MCM9: variants seen among roughly 807,000 people sequenced by gnomAD.
MCM9 encodes DNA helicase MCM9.
MCM9 carries 55 observed loss-of-function variants against 72.8 expected under a neutral mutation model. That is an observed-to-expected ratio of 0.76 (90% CI 0.61 to 0.95). MCM9 has a LOEUF of 0.95. MCM9 is among the 40% of genes least tolerant of loss of function. MCM9 has a pLI of 0.00. For missense variants in MCM9, 1,279 were observed against 1,377.0 expected (o/e 0.93, Z 1.13); for synonymous variants, 480 against 503.4 (o/e 0.95, Z 0.62).
chr6:118,905,769 A>G, intron 8 of MCM9: 1 of 1,613,438 alleles, frequency 6.2e-7, no homozygotes, highest in Non-Finnish European at 8.5e-7. Context: ...TTATGTAAAT[A>G]ATGAATATAC....
chr6:118,910,327 C>G (rs1170098782), intron 8 of MCM9, among the ~76,000 whole-genome samples: 1 of 151,736 alleles, frequency 6.6e-6, no homozygotes, highest in Non-Finnish European at 1.5e-5. Flanking sequence ...CTAGCGTGGC[C>G]CTTTGGGTAG....
At chr6:118,914,683 G>T (rs1780800395) in intron 6 of MCM9, among the ~76,000 whole-genome samples, 1 of 152,118 alleles carries the variant, frequency 6.6e-6, no homozygotes, top group African/African-American at 2.4e-5. Flanking sequence ...GTGATTACAT[G>T]TGGAAGGAAA....
In MCM9 at chr6:118,894,254, C is replaced by T. The variant is rs1184273652; in HGVS notation, c.1150+17396G>A. ...AAGCTGCAAAACACTGTGGAGTGCT[C>T]CCGTGTAAATAAAAAGAGGAAAAAA... is the stretch of plus-strand genomic sequence containing the variant. On this transcript the variant is annotated intron_variant, in intron 8 of 13. Transcript: ENST00000619706. The T allele has an allele frequency of 1.3e-5, 19 of 1,454,314 alleles. 1 individual carries two copies. The South Asian group carries it at 2.7e-4, about 21-fold the overall frequency. 90.1% of individuals were successfully genotyped at this position (1,454,314 alleles called of 1,614,324 possible). A position where few individuals can be genotyped will look rare whatever the true frequency, so the allele number is the denominator to read the frequency against.
At chr6:118,864,147 G>T (rs1035318801) in intron 8 of MCM9, among the ~76,000 whole-genome samples, 4 of 151,854 alleles carry the variant, frequency 2.6e-5, no homozygotes, top group African/African-American at 9.7e-5. Context: ...CTGAGATTTT[G>T]GTGCCCCCAT....
chr6:118,852,761 A>G (rs2114669194), intron 9 of MCM9, among the ~76,000 whole-genome samples: 1 of 152,306 alleles, frequency 6.6e-6, no homozygotes, highest in South Asian at 2.1e-4. Context: ...ATTTACATAT[A>G]GTAAAAGTCA....
At position 118,911,771 on chromosome 6, in the gene MCM9, T is replaced by C. The variant is rs774890052; in HGVS notation, c.1031-2A>G. Reference sequence around the variant, plus strand: ...CAACCAATAAAAGATGAGATTCTCCTAGGAAAAAGCAAATACATGAAGTTT... The same window carrying C: ...CAACCAATAAAAGATGAGATTCTCCCAGGAAAAAGCAAATACATGAAGTTT... On this transcript the variant is annotated splice_acceptor_variant, in intron 7 of 13. Coordinates refer to ENST00000619706, the MANE Select transcript of MCM9 (RefSeq NM_017696.3). LOFTEE classifies it high-confidence loss of function. 1.9e-6 allele frequency: 3 copies of C among 1,607,606 alleles called. No homozygotes were observed. The highest frequency in any genetic ancestry group is 2.5e-6 in the Non-Finnish European group (3 of 1,177,020).
intron 6 of MCM9, among the ~76,000 whole-genome samples, 192 bp downstream of exon 6, chr6:118,917,369 G>T (rs995454592): frequency 1.2e-4 from 18 of 152,146 alleles, no homozygotes; most frequent in Admixed American, 3.9e-4. Context: ...CTCCAGGCAG[G>T]TTGCTAAATA....
intron 7 of MCM9, 137 bp downstream of exon 7, chr6:118,913,158 A>G: frequency 2.1e-6 from 2 of 942,902 alleles, no homozygotes; most frequent in East Asian, 2.5e-5. Flanking sequence ...TAAGTATAAG[A>G]TATTCAGACA....
intron 8 of MCM9, among the ~76,000 whole-genome samples, chr6:118,865,669 T>A (rs1262455039): frequency 6.6e-6 from 1 of 152,192 alleles, no homozygotes; most frequent in Non-Finnish European, 1.5e-5. Context: ...TGACACTTCA[T>A]GATCCTTTCC....
chr6:118,856,071 G>A (rs950644001), intron 9 of MCM9, among the ~76,000 whole-genome samples: 1 of 152,086 alleles, frequency 6.6e-6, no homozygotes, highest in Non-Finnish European at 1.5e-5. Context: ...AATGTTTACT[G>A]AATGAAAAAG....
chr6:118,863,526 C>T (rs906081074), intron 8 of MCM9, among the ~76,000 whole-genome samples: 1 of 152,110 alleles, frequency 6.6e-6, no homozygotes, highest in Admixed American at 6.5e-5. Context: ...AAATATGGCA[C>T]ATGTTATGGT....
At chr6:118,923,545 T>C (rs1001424776) in intron 4 of MCM9, among the ~76,000 whole-genome samples, 1 of 152,196 alleles carries the variant, frequency 6.6e-6, no homozygotes, top group African/African-American at 2.4e-5. Context: ...ACAGCTAGGG[T>C]GGACTTCTTA....
chr6:118,828,536 C>T (rs1474358755), intron 10 of MCM9, among the ~76,000 whole-genome samples: 1 of 152,112 alleles, frequency 6.6e-6, no homozygotes, highest in Non-Finnish European at 1.5e-5. Context: ...CAGGTGTGCA[C>T]CACCACGCCC....
chr6:118,916,087 G>C (rs974931242), intron 6 of MCM9, among the ~76,000 whole-genome samples: 3 of 151,834 alleles, frequency 2.0e-5, no homozygotes, highest in Non-Finnish European at 4.4e-5. Flanking sequence ...GTTCAGGCTG[G>C]GCACAGTGTA....
In MCM9 at chr6:118,814,713, T is replaced by C; in HGVS notation, c.*111A>G. The C allele has an allele frequency of 9.4e-7, 1 of 1,065,692 alleles. No individual in the cohort carries two copies. Among genetic ancestry groups the C allele is most frequent in the Non-Finnish European group, 1.3e-6 (1 of 765,550 alleles). The allele number at this position is 1,065,692 out of a possible 1,614,324, so 66.0% of individuals were successfully genotyped here. On this transcript the variant is annotated 3_prime_UTR_variant, in exon 14 of 14. Coordinates refer to ENST00000619706, the MANE Select transcript of MCM9 (RefSeq NM_017696.3). ...CTTAAGGGGGAGCCAGTATTCAGAG[T>C]GATCCTCAATATGGCCAATTGTTCT...
Position 118,882,228 on chromosome 6 carries a change from C to T in MCM9, c.1151-25683G>A, listed in dbSNP as rs1452930856. Among the ~76,000 whole-genome samples the T allele has an allele frequency of 3.3e-5, 5 of 152,296 alleles. No individual in the cohort carries two copies. In the South Asian group the frequency reaches 1.0e-3, roughly 32 times the overall value. On this transcript the variant is annotated intron_variant, in intron 8 of 13. Coordinates refer to ENST00000619706, the MANE Select transcript of MCM9 (RefSeq NM_017696.3). The stretch of plus-strand genomic sequence containing the variant: ...CAATAAGGGCAGAGGCTACCATTTC[C>T]GCCCCCTGGCTGGAGCAGTAGCTCA...
chr6:118,850,295 A>G (rs1216760257), intron 9 of MCM9, among the ~76,000 whole-genome samples: 1 of 151,876 alleles, frequency 6.6e-6, no homozygotes, highest in African/African-American at 2.4e-5. Context: ...TTGATATAAT[A>G]TTTCTGAAAC....
intron 6 of MCM9, 138 bp from the exon 7 acceptor site, chr6:118,913,558 T>C: frequency 1.9e-6 from 2 of 1,080,654 alleles, no homozygotes; most frequent in Non-Finnish European, 2.6e-6. Context: ...CAATTCCAAA[T>C]GACCAACAGG....
chr6:118,830,481 A>G (rs553245573), intron 9 of MCM9, among the ~76,000 whole-genome samples: 51 of 152,332 alleles, frequency 3.3e-4, no homozygotes, highest in African/African-American at 1.2e-3. Flanking sequence ...ACAAGGAAAA[A>G]TTCTGGACAG....
Sources: gnomAD v4.1 joint callset for allele counts (sites outside exome capture counted in the v4.1 genomes callset) on GRCh38, gnomAD v4.1.1 for gene constraint, MANE v1.5 for transcripts, NCBI Gene and HGNC (gene_info 2026-07-23, HGNC 2026-07-21) for gene names.